NRXN1: variants seen among roughly 807,000 people sequenced by gnomAD.
The protein encoded by NRXN1 is neurexin 1, also known as neurexin-1.
A neutral mutation model predicts 150.9 loss-of-function variants in NRXN1; 39 were observed. The observed-to-expected ratio is 0.26, with a 90% CI of 0.20 to 0.34. The LOEUF (loss-of-function observed/expected upper bound fraction) is 0.34, where lower values mean the gene tolerates loss of function less well. Among genes scored for constraint, NRXN1 ranks in the 10% least tolerant of loss-of-function variants. The pLI is 1.00. For synonymous variants in NRXN1, 924 were observed against 757.0 expected (o/e 1.22, Z -3.62); for missense variants, 1,815 against 1,949.9 (o/e 0.93, Z 1.30).
chr2:50,471,870 C>T (rs1353579599), intron 16 of NRXN1, among the ~76,000 whole-genome samples: 2 of 151,534 alleles, frequency 1.3e-5, no homozygotes, highest in African/African-American at 4.8e-5. Context: ...CACATGTACC[C>T]CCTGGACTTA....
At chr2:50,278,514 C>A (rs1294850217) in intron 17 of NRXN1, among the ~76,000 whole-genome samples, 2 of 150,350 alleles carry the variant, frequency 1.3e-5, no homozygotes. Context: ...CTGAGTGAAA[C>A]CGTTTGAATT....
chr2:50,405,476 T>C lies in NRXN1; in HGVS notation c.3364+59966A>G, dbSNP rs564355535. ...ACTTCCAGAGACATTAGGATTTGCT[T>C]AGCATATAGAAAACAATGAAAATAA... On this transcript the variant is annotated intron_variant, in intron 17 of 22. Transcript: ENST00000401669. Among the ~76,000 whole-genome samples the C allele has an allele frequency of 4.5e-4, 68 of 152,264 alleles. 1 individual carries two copies. Among genetic ancestry groups the C allele is most frequent in the African/African-American group, 1.6e-3 (67 of 41,570 alleles).
At chr2:51,007,640 T>A (rs1667231950) in intron 2 of NRXN1, among the ~76,000 whole-genome samples, 1 of 151,796 alleles carries the variant, frequency 6.6e-6, no homozygotes, top group Admixed American at 6.6e-5. Flanking sequence ...GATAAAAGAG[T>A]TAGACAGGTT....
intron 5 of NRXN1, among the ~76,000 whole-genome samples, chr2:50,778,805 T>C (rs1703985878): frequency 6.6e-6 from 1 of 152,210 alleles, no homozygotes; most frequent in Non-Finnish European, 1.5e-5. Context: ...GTGACATGAA[T>C]AACCTAAATT....
chr2:50,370,241 G>A (rs2079917698), intron 17 of NRXN1, among the ~76,000 whole-genome samples: 1 of 151,956 alleles, frequency 6.6e-6, no homozygotes. Flanking sequence ...TTTGTCAGCA[G>A]GTGTTTTTCT....
intron 5 of NRXN1, among the ~76,000 whole-genome samples, chr2:50,891,456 T>C (rs1245207822): frequency 6.6e-6 from 1 of 152,088 alleles, no homozygotes; most frequent in Non-Finnish European, 1.5e-5. Flanking sequence ...TACTTAAATA[T>C]ACACGAGTAT....
intron 5 of NRXN1, among the ~76,000 whole-genome samples, chr2:50,709,733 C>T (rs1694901643): frequency 6.6e-6 from 1 of 152,108 alleles, no homozygotes; most frequent in African/African-American, 2.4e-5. Flanking sequence ...TGAGTGAGGA[C>T]TGTTGTTCTA....
intron 2 of NRXN1, among the ~76,000 whole-genome samples, chr2:50,963,024 A>AT (rs1312017400): frequency 6.6e-6 from 1 of 151,688 alleles, no homozygotes; most frequent in Non-Finnish European, 1.5e-5. Context: ...TTTACAACAG[A>AT]TTTTTCCCAA....
At chr2:50,780,250 T>C (rs191239316) in intron 5 of NRXN1, among the ~76,000 whole-genome samples, 6 of 152,326 alleles carry the variant, frequency 3.9e-5, no homozygotes, top group Non-Finnish European at 7.4e-5. Context: ...GTATTAGCCC[T>C]TTGTCAGATG....
chr2:50,817,699 A>C (rs1030605357), intron 5 of NRXN1, among the ~76,000 whole-genome samples: 5 of 152,132 alleles, frequency 3.3e-5, no homozygotes, highest in Non-Finnish European at 7.4e-5. Context: ...GGGATGGTTC[A>C]ACATACCAAA....
chr2:50,760,659 C>T (rs1242257037), intron 5 of NRXN1, among the ~76,000 whole-genome samples: 1 of 151,650 alleles, frequency 6.6e-6, no homozygotes. Flanking sequence ...ATCTCTGATC[C>T]CAACACCTTC....
intron 17 of NRXN1, among the ~76,000 whole-genome samples, chr2:50,412,448 T>A (rs1434983662): frequency 6.6e-6 from 1 of 152,068 alleles, no homozygotes; most frequent in Non-Finnish European, 1.5e-5. Context: ...GGGCAAAAGT[T>A]ACTGATAATG....
chr2:50,180,203 T>C (rs1222748616), intron 18 of NRXN1, among the ~76,000 whole-genome samples: 1 of 147,864 alleles, frequency 6.8e-6, no homozygotes, highest in Admixed American at 6.8e-5. Context: ...AAAAAAAAAA[T>C]TTGTAGAGAC....
At chr2:50,583,099 G>T (rs918877830) in intron 8 of NRXN1, among the ~76,000 whole-genome samples, 1 of 151,278 alleles carries the variant, frequency 6.6e-6, no homozygotes, top group African/African-American at 2.4e-5. Flanking sequence ...TACCCAGGCT[G>T]CAATTCAGCG....
chr2:50,599,431 T>G (rs945175869), intron 8 of NRXN1, among the ~76,000 whole-genome samples: 2 of 152,212 alleles, frequency 1.3e-5, no homozygotes, highest in African/African-American at 4.8e-5. Context: ...GGTTCAATGC[T>G]CAACTATTTT....
chr2:50,692,580 A>AT (rs1559131375), intron 5 of NRXN1, among the ~76,000 whole-genome samples: 1 of 152,198 alleles, frequency 6.6e-6, no homozygotes, highest in African/African-American at 2.4e-5. Flanking sequence ...ATCAAAATCA[A>AT]TCATCTACCA....
At chr2:50,716,392 C>G (rs2105083999) in intron 5 of NRXN1, among the ~76,000 whole-genome samples, 1 of 151,960 alleles carries the variant, frequency 6.6e-6, no homozygotes, top group Admixed American at 6.6e-5. Context: ...CCATTATTGA[C>G]TAAATTAAAA....
intron 15 of NRXN1, among the ~76,000 whole-genome samples, chr2:50,487,310 T>C (rs1344377514): frequency 6.6e-6 from 1 of 152,170 alleles, no homozygotes; most frequent in Non-Finnish European, 1.5e-5. Flanking sequence ...ATTATAATGC[T>C]ATATGCTTCT....
chr2:50,259,256 A>G (rs2068016092), intron 17 of NRXN1, among the ~76,000 whole-genome samples: 1 of 151,944 alleles, frequency 6.6e-6, no homozygotes, highest in Non-Finnish European at 1.5e-5. Context: ...AGTATAGTCA[A>G]CTTTATCAAA....
Sources: allele counts gnomAD v4.1 joint callset (sites outside exome capture counted in the v4.1 genomes callset), GRCh38; gene constraint gnomAD v4.1.1; transcripts MANE v1.5; gene names NCBI Gene and HGNC (gene_info 2026-07-23, HGNC 2026-07-21).